Variants in NBAS observed in about 807,000 individuals in gnomAD.
NBAS encodes the protein NAG/BC035112 fusion.
In NBAS, 219 loss-of-function variants were observed where a neutral mutation model predicts 302.5. That is an observed-to-expected ratio of 0.72 (90% CI 0.65 to 0.81). The LOEUF (loss-of-function observed/expected upper bound fraction) is 0.81, where lower values mean the gene tolerates loss of function less well. NBAS is among the 30% of genes least tolerant of loss of function. The probability of loss-of-function intolerance (pLI) is 0.00; values close to 1 mark genes in which losing one functional copy is unlikely to be tolerated. For synonymous variants in NBAS, 1,118 were observed against 1,021.6 expected, an observed-to-expected ratio of 1.09 and a Z score of -1.80; for missense variants, 2,932 against 2,841.6, an observed-to-expected ratio of 1.03 and a Z score of -0.72.
At chr2:15,461,845 T>G in intron 19 of NBAS, 54 bp from the exon 20 acceptor site, 2 of 983,092 alleles carry the variant, frequency 2.0e-6, no homozygotes, top group South Asian at 2.8e-5. Flanking sequence ...TAAATATGGG[T>G]GACAAGAAAA....
At chr2:15,118,200 C>T in the NBAS span, among the ~76,000 whole-genome samples, 3 of 152,224 alleles carry the variant, frequency 2.0e-5, no homozygotes, top group Admixed American at 6.5e-5. Context: ...TATTGATCAT[C>T]GTGTCTTCCA....
At chr2:15,440,225 T>C (rs1678292876) in intron 21 of NBAS, among the ~76,000 whole-genome samples, 1 of 152,198 alleles carries the variant, frequency 6.6e-6, no homozygotes, top group Non-Finnish European at 1.5e-5. Flanking sequence ...CCCTGACCCC[T>C]GACCCCCGAG....
chr2:15,171,716 T>C (rs1292086848), intron 51 of NBAS, among the ~76,000 whole-genome samples: 2 of 152,178 alleles, frequency 1.3e-5, no homozygotes, highest in Admixed American at 6.5e-5. Context: ...AATGTGACTT[T>C]ATTTACAGAC....
chr2:14,866,262 G>A, the NBAS span, among the ~76,000 whole-genome samples: 1 of 151,986 alleles, frequency 6.6e-6, no homozygotes, highest in Admixed American at 6.6e-5. Context: ...AGCAATTCTG[G>A]GTGCTTTCAT....
intron 44 of NBAS, among the ~76,000 whole-genome samples, chr2:15,248,349 CAAGA>C (rs1281880697): frequency 6.6e-6 from 1 of 152,084 alleles, no homozygotes; most frequent in African/African-American, 2.4e-5. Flanking sequence ...CAGAAGAAAG[CAAGA>C]AACACCTAAA....
intron 51 of NBAS, chr2:15,178,031 G>A (rs1308213526): frequency 2.7e-6 from 1 of 366,248 alleles, no homozygotes; most frequent in Non-Finnish European, 5.7e-6. Flanking sequence ...AGAATTTTCT[G>A]TATCCTTTGT....
intron 44 of NBAS, among the ~76,000 whole-genome samples, chr2:15,249,042 G>A (rs1668236609): frequency 6.6e-6 from 1 of 152,150 alleles, no homozygotes; most frequent in Non-Finnish European, 1.5e-5. Context: ...TATCCCTGAT[G>A]AACATCGATG....
In NBAS at chr2:15,519,902, T is replaced by TA. The variant is rs1366388876; in HGVS notation, c.747-8553dup. Reference sequence around the variant, plus strand: ...TCAAATTATGAAGCATCAGACTATTTAGTCAACATGTGCTTAAGAATAATC... The same window carrying TA: ...TCAAATTATGAAGCATCAGACTATTTAAGTCAACATGTGCTTAAGAATAATC... On this transcript the variant is annotated intron_variant, in intron 9 of 51. Coordinates refer to ENST00000281513, the MANE Select transcript of NBAS (RefSeq NM_015909.4). Among the ~76,000 whole-genome samples the TA allele has an allele frequency of 2.0e-5, 3 of 152,358 alleles. No individual in the cohort carries two copies. In the East Asian group the frequency reaches 5.8e-4, roughly 29 times the overall value.
the NBAS span, among the ~76,000 whole-genome samples, chr2:14,925,014 G>A: frequency 1.3e-5 from 2 of 152,152 alleles, no homozygotes; most frequent in Non-Finnish European, 2.9e-5. Context: ...AGACACATAC[G>A]TGACTCAAAT....
chr2:15,182,058 T>G lies in NBAS; in HGVS notation c.6712-2942A>C, dbSNP rs1315820866. ...GCACTGCTGGTTCTGCAGCCCCAGG[T>G]TGATCACAATCTTGGCCAGCTGGGC... On this transcript the variant is annotated intron_variant, in intron 50 of 51. Coordinates refer to ENST00000281513, the MANE Select transcript of NBAS (RefSeq NM_015909.4). Among the ~76,000 whole-genome samples, 4 of 152,192 alleles carry G rather than the reference T, an allele frequency of 2.6e-5. No individual in the cohort carries two copies. In the East Asian group the frequency reaches 5.8e-4, roughly 22 times the overall value.
the NBAS span, among the ~76,000 whole-genome samples, chr2:14,927,795 T>C: frequency 3.9e-5 from 6 of 152,218 alleles, no homozygotes; most frequent in Non-Finnish European, 8.8e-5. Context: ...ATTTCCCCGA[T>C]GACTGGTGTT....
intron 41 of NBAS, among the ~76,000 whole-genome samples, chr2:15,290,814 G>A (rs1670274314): frequency 6.6e-6 from 1 of 152,152 alleles, no homozygotes; most frequent in Non-Finnish European, 1.5e-5. Flanking sequence ...CTTCTTAATT[G>A]AGACCAGCTA....
At chr2:15,083,591 G>A in the NBAS span, among the ~76,000 whole-genome samples, 1 of 152,174 alleles carries the variant, frequency 6.6e-6, no homozygotes, top group Non-Finnish European at 1.5e-5. Flanking sequence ...CATCCAGAAA[G>A]AACAGATGTT....
At chr2:15,391,562 A>AAAGGTCCT (rs1675606200) in intron 28 of NBAS, among the ~76,000 whole-genome samples, 1 of 152,178 alleles carries the variant, frequency 6.6e-6, no homozygotes, top group Non-Finnish European at 1.5e-5. Context: ...AGGCAACCTG[A>AAAGGTCCT]AAGGTCCTAA....
chr2:15,507,942 T>C (rs1661952130), intron 10 of NBAS, among the ~76,000 whole-genome samples: 1 of 152,188 alleles, frequency 6.6e-6, no homozygotes, highest in Admixed American at 6.5e-5. Flanking sequence ...GATGTATGTG[T>C]CAGCAGCATT....
chr2:15,537,678 T>C (rs1224303949), intron 7 of NBAS, among the ~76,000 whole-genome samples: 2 of 152,110 alleles, frequency 1.3e-5, no homozygotes, highest in African/African-American at 4.8e-5. Context: ...ACCACTGTGC[T>C]CCAGCCTGGG....
rs376668113 is a variant in NBAS, at chr2:15,536,549, T to A, written c.516A>T (p.Ala172=). The change falls in exon 8 of 52, where the codon GCA becomes GCT. Residue 172 remains alanine, a splice_region_variant and synonymous_variant. Transcript: ENST00000281513. ...MGSELFVISP[A]SSFIGDLSYA... is the part of the protein sequence containing the mutation. ...AGCTTAAGTCACCTATAAAACTAGATGCCTACAGAAGAGGGGGAAATTAAG... is the reference window on the plus strand; with the variant it reads ...AGCTTAAGTCACCTATAAAACTAGAAGCCTACAGAAGAGGGGGAAATTAAG... 1.2e-6 allele frequency: 2 copies of A among 1,606,280 alleles called. No individual in the cohort carries two copies. Among genetic ancestry groups the A allele is most frequent in the African/African-American group, 2.7e-5 (2 of 74,042 alleles).
chr2:15,218,720 G>T (rs146943717), intron 48 of NBAS, 53 bp downstream of exon 48: 9 of 1,611,056 alleles, frequency 5.6e-6, no homozygotes, highest in Middle Eastern at 1.6e-4. Context: ...GAGCAACCGC[G>T]TCCGGCCTAA....
chr2:15,012,289 G>A, the NBAS span, among the ~76,000 whole-genome samples: 1 of 151,954 alleles, frequency 6.6e-6, no homozygotes, highest in East Asian at 1.9e-4. Context: ...ACAGTCAAGA[G>A]CTTCAACAAT....
Sources: gnomAD v4.1 joint callset for allele counts (sites outside exome capture counted in the v4.1 genomes callset) on GRCh38, gnomAD v4.1.1 for gene constraint, MANE v1.5 for transcripts, NCBI Gene and HGNC (gene_info 2026-07-23, HGNC 2026-07-21) for gene names.